OR1M1: variants seen among roughly 807,000 people sequenced by gnomAD.
The protein encoded by OR1M1 is olfactory receptor 1M1.
For missense variants in OR1M1, 397 were observed against 401.8 expected, an observed-to-expected ratio of 0.99 and a Z score of 0.10; for synonymous variants, 157 against 165.5, an observed-to-expected ratio of 0.95 and a Z score of 0.39.
At position 9,094,282 on chromosome 19, in the gene OR1M1, T is replaced by G; in HGVS notation, c.*96T>G. 1 of 649,456 alleles carries G rather than the reference T, an allele frequency of 1.5e-6. No individual in the cohort carries two copies. The highest frequency in any genetic ancestry group is 2.6e-6 in the Non-Finnish European group (1 of 386,098). 40.2% of individuals were successfully genotyped at this position (649,456 alleles called of 1,614,324 possible). ...TGCATGAGTTGAAGAGTAGGCACTT[T>G]GAATTTTATTATTATTATTATTATT... On this transcript the variant is annotated 3_prime_UTR_variant, in exon 2 of 2. Transcript: ENST00000641627.
intron 1 of OR1M1, among the ~76,000 whole-genome samples, chr19:9,091,504 C>T (rs1235271516): frequency 6.6e-6 from 1 of 151,878 alleles, no homozygotes; most frequent in East Asian, 1.9e-4. Flanking sequence ...ACTAAAAATA[C>T]AAAAGTGAGC....
At position 9,093,429 on chromosome 19, in the gene OR1M1, T is replaced by G; in HGVS notation, c.185T>G (p.Phe62Cys). The G allele has an allele frequency of 6.2e-7, 1 of 1,614,048 alleles. No individual in the cohort carries two copies. The highest frequency in any genetic ancestry group is 1.1e-5 in the South Asian group (1 of 91,074). The part of the protein sequence containing the change: ...DSHLHTPMYF[F>C]LANLSLVDFC... The stretch of plus-strand genomic sequence containing the variant: ...CACCTCCACACCCCCATGTACTTCT[T>G]CCTGGCCAACCTGTCCCTGGTTGAT... The change falls in exon 2 of 2, where the codon TTC (phenylalanine) becomes TGC (cysteine). Residue 62 changes from phenylalanine (F) to cysteine (C), a missense_variant. Physicochemically the swap from Phe to Cys is radical, Grantham distance 205 (BLOSUM62 -2). Coordinates refer to ENST00000641627, the MANE Select transcript of OR1M1 (RefSeq NM_001004456.2).
At chr19:9,093,079 TACACACACACACAC>T (rs560891702) in intron 1 of OR1M1, 139 bp from the exon 2 acceptor site, 96 of 406,694 alleles carry the variant, frequency 2.4e-4, no homozygotes, top group Admixed American at 7.0e-4. Flanking sequence ...ATTCTATATA[TACACACACACACAC>T]ACACACACAC....
intron 1 of OR1M1, among the ~76,000 whole-genome samples, chr19:9,092,980 G>T (rs1430897851): frequency 6.8e-6 from 1 of 146,980 alleles, no homozygotes; most frequent in African/African-American, 2.5e-5. Context: ...GGTCTCTAAA[G>T]TTACAACACC....
rs770870710 is a variant in OR1M1 at position 9,093,730 on chromosome 19, G to A, written c.486G>A (p.Leu162=). The stretch of plus-strand genomic sequence containing the variant: ...TCATCTCACTCACTCACATCCTCCT[G>A]ATGGCCCGTCTCGTTTTCTGCGGCA... ...SCFISLTHIL[L]MARLVFCGSH... is the part of the protein sequence containing the mutation. Residue 162 remains leucine (L), a synonymous_variant, in exon 2 of 2, where the codon CTG becomes CTA. Coordinates refer to ENST00000641627, the MANE Select transcript of OR1M1 (RefSeq NM_001004456.2). 17 of 1,613,954 alleles carry A rather than the reference G, an allele frequency of 1.1e-5. No individual in the cohort carries two copies. Among genetic ancestry groups the A allele is most frequent in the South Asian group, 5.5e-5 (5 of 91,086 alleles).
In OR1M1 at chr19:9,089,168, T is replaced by G. The variant is rs142613941; in HGVS notation, c.-14+2011T>G. ...CCAATTTGCCTGTAGTTCTGTATGC[T>G]GTAACAAATCTCTTCCTATCTGCCC... On this transcript the variant is annotated intron_variant, in intron 1 of 1. Coordinates refer to ENST00000641627, the MANE Select transcript of OR1M1 (RefSeq NM_001004456.2). 1.0e-3 allele frequency among the ~76,000 whole-genome samples: 152 copies of G among 152,302 alleles called. 4 individuals carry two copies. In the East Asian group the frequency reaches 0.026, roughly 26 times the overall value.
At position 9,094,097 on chromosome 19, in the gene OR1M1, C is replaced by T. The variant is rs771917349; in HGVS notation, c.853C>T (p.Leu285=). ...GATGTACACAGCAGTCACCCCCATGCTGAATCCCTTCATCTACAGCTTGAG... is the reference window on the plus strand; with the variant it reads ...GATGTACACAGCAGTCACCCCCATGTTGAATCCCTTCATCTACAGCTTGAG... ...AVMYTAVTPM[L]NPFIYSLRNR... The change falls in exon 2 of 2, where the codon CTG becomes TTG. Residue 285 remains leucine (L), a synonymous_variant. Coordinates refer to ENST00000641627, the MANE Select transcript of OR1M1 (RefSeq NM_001004456.2). The T allele has an allele frequency of 6.3e-5, 102 of 1,613,764 alleles. 1 individual carries two copies. The South Asian group carries it at 1.1e-3, about 17-fold the overall frequency.
At chr19:9,089,414 C>T (rs1307247931) in intron 1 of OR1M1, among the ~76,000 whole-genome samples, 1 of 134,904 alleles carries the variant, frequency 7.4e-6, no homozygotes, top group Non-Finnish European at 1.5e-5. Flanking sequence ...TTGTGTATTT[C>T]TACCACATTT....
rs183672451 is a variant in OR1M1, at chr19:9,087,697, G to A, written c.-14+540G>A. ...AACACCTGACCTCAGGTGATCACCC[G>A]CCTCAGCCTCCGAAAGTACTGGAAT... On this transcript the variant is annotated intron_variant, in intron 1 of 1. Coordinates refer to ENST00000641627, the MANE Select transcript of OR1M1 (RefSeq NM_001004456.2). 2.4e-3 allele frequency among the ~76,000 whole-genome samples: 365 copies of A among 152,090 alleles called. 6 individuals are homozygous for A. Among genetic ancestry groups the A allele is most frequent in the Admixed American group, 0.022 (337 of 15,264 alleles).
At chr19:9,088,489 G>A (rs2050276087) in intron 1 of OR1M1, among the ~76,000 whole-genome samples, 2 of 152,166 alleles carry the variant, frequency 1.3e-5, no homozygotes, top group South Asian at 4.1e-4. Context: ...GAGTAATTCA[G>A]TGAAAGCTTA....
chr19:9,090,036 G>T (rs1419857741), intron 1 of OR1M1, among the ~76,000 whole-genome samples: 1 of 152,168 alleles, frequency 6.6e-6, no homozygotes, highest in Non-Finnish European at 1.5e-5. Flanking sequence ...CTTCCTGCAT[G>T]AAATAGCACT....
At chr19:9,091,166 CA>C (rs1160923027) in intron 1 of OR1M1, among the ~76,000 whole-genome samples, 1 of 150,336 alleles carries the variant, frequency 6.7e-6, no homozygotes, top group African/African-American at 2.4e-5. Context: ...GACTCTGTCT[CA>C]AAAAAAACAA....
Position 9,094,947 on chromosome 19 carries a change from G to A in OR1M1, c.*761G>A. 6.6e-6 allele frequency: 1 copy of A among 152,514 alleles called. No homozygotes were observed. Among genetic ancestry groups the A allele is most frequent in the Non-Finnish European group, 1.5e-5 (1 of 68,290 alleles). The allele number at this position is 152,514 out of a possible 1,614,324, so 9.4% of individuals were successfully genotyped here. On this transcript the variant is annotated 3_prime_UTR_variant, in exon 2 of 2. Coordinates refer to ENST00000641627, the MANE Select transcript of OR1M1 (RefSeq NM_001004456.2). ...CCCTCCAGACTAGCTGGAACTACAG[G>A]CACCCATCACCATACCCGGCTAATT...
At chr19:9,092,441 A>G (rs2050298445) in intron 1 of OR1M1, among the ~76,000 whole-genome samples, 1 of 151,884 alleles carries the variant, frequency 6.6e-6, no homozygotes, top group South Asian at 2.1e-4. Context: ...CACACACAAG[A>G]AAAGATAAAT....
Position 9,093,854 on chromosome 19 carries a change from G to A in OR1M1, c.610G>A (p.Gly204Arg), listed in dbSNP as rs199800381. 227 of 1,614,008 alleles carry A rather than the reference G, an allele frequency of 1.4e-4. No individual in the cohort carries two copies. The highest frequency in any genetic ancestry group is 3.3e-4 in the Middle Eastern group (2 of 6,084). ...TAGGATCTTCATCCTCATTGTGGCA[G>A]GGATGGTGATAGCCACGCCCTTTGT... is the stretch of plus-strand genomic sequence containing the variant. ...VNRIFILIVA[G>R]MVIATPFVCI... The change falls in exon 2 of 2, where the codon GGG becomes AGG. Residue 204 changes from glycine to arginine, a missense_variant. Physicochemically the swap from Gly to Arg is moderately radical, Grantham distance 125. Transcript: ENST00000641627.
rs1475811685 is a variant in OR1M1 at position 9,093,661 on chromosome 19, C to G, written c.417C>G (p.Arg139=). 1 of 1,614,070 alleles carries G rather than the reference C, an allele frequency of 6.2e-7. No individual in the cohort carries two copies. Among genetic ancestry groups the G allele is most frequent in the Non-Finnish European group, 8.5e-7 (1 of 1,180,062 alleles). ...PLHYAKIMSL[R]LCRLLVGALW... ...ACTACGCCAAGATCATGAGCCTACGCCTCTGTCGCCTGCTGGTCGGCGCCC... is the reference window on the plus strand; with the variant it reads ...ACTACGCCAAGATCATGAGCCTACGGCTCTGTCGCCTGCTGGTCGGCGCCC... Residue 139 remains arginine (R), a synonymous_variant, in exon 2 of 2, where the codon CGC becomes CGG. Transcript: ENST00000641627.
chr19:9,093,089 C>T, intron 1 of OR1M1, 143 bp from the exon 2 acceptor site: 2 of 541,592 alleles, frequency 3.7e-6, no homozygotes, highest in South Asian at 2.7e-5. Context: ...TACACACACA[C>T]ACACACACAC....
In OR1M1 at chr19:9,093,529, C is replaced by T; in HGVS notation, c.285C>T (p.Pro95=). The T allele has an allele frequency of 6.2e-7, 1 of 1,614,188 alleles. No individual in the cohort carries two copies. Residue 95 remains proline (P), a synonymous_variant, in exon 2 of 2, where the codon CCC becomes CCT. Transcript: ENST00000641627. ...LQTGSKAISY[P]CCLIQMYFFH... ...CCGGGAGCAAGGCCATCTCTTATCCCTGCTGCCTGATCCAGATGTACTTCT... is the reference window on the plus strand; with the variant it reads ...CCGGGAGCAAGGCCATCTCTTATCCTTGCTGCCTGATCCAGATGTACTTCT...
At chr19:9,093,197 G>A (rs546327084) in intron 1 of OR1M1, 35 bp from the exon 2 acceptor site, 146 of 1,377,114 alleles carry the variant, frequency 1.1e-4, no homozygotes, top group Non-Finnish European at 1.3e-4. Context: ...CCATCTCCCT[G>A]TCATTCCTAT....
Sources: allele counts gnomAD v4.1 joint callset (sites outside exome capture counted in the v4.1 genomes callset), GRCh38; gene constraint gnomAD v4.1.1; transcripts MANE v1.5; gene names NCBI Gene and HGNC (gene_info 2026-07-23, HGNC 2026-07-21).